CCNY: variants seen among roughly 807,000 people sequenced by gnomAD.
CCNY encodes the protein cyclin-Y.
CCNY carries 19 observed loss-of-function variants against 42.8 expected under a neutral mutation model. That is an observed-to-expected ratio of 0.44 (90% confidence interval 0.31 to 0.65). The LOEUF (loss-of-function observed/expected upper bound fraction) is 0.65. CCNY is among the 30% of genes least tolerant of loss of function. The probability of loss-of-function intolerance (pLI) is 0.07; values close to 1 mark genes in which losing one functional copy is unlikely to be tolerated. For missense variants in CCNY, 370 were observed against 437.3 expected (o/e 0.85, Z 1.37); for synonymous variants, 165 against 162.7 (o/e 1.01, Z -0.11).
chr10:35,530,834 G>A lies in CCNY; in HGVS notation c.579+591G>A, dbSNP rs1840749634. 6.6e-6 allele frequency among the ~76,000 whole-genome samples: 1 copy of A among 152,172 alleles called. No individual in the cohort carries two copies. Among genetic ancestry groups the A allele is most frequent in the Non-Finnish European group, 1.5e-5 (1 of 68,028 alleles). ...CGTCAGTAATTTCAGCACTTTGGGA[G>A]GTCAAGGTGGGAGGATCACTTGAGC... On this transcript the variant is annotated intron_variant, in intron 7 of 9. Coordinates refer to ENST00000374704, the MANE Select transcript of CCNY (RefSeq NM_145012.6). The surrounding 1 kb of genome is among the most constrained non-coding windows in gnomAD (Gnocchi z 4.3).
At chr10:35,557,929 C>T (rs972729115) in intron 8 of CCNY, among the ~76,000 whole-genome samples, 6 of 152,086 alleles carry the variant, frequency 3.9e-5, no homozygotes, top group South Asian at 2.1e-4. Flanking sequence ...TCTTCTTTTG[C>T]CTCTTTGGTG....
chr10:35,535,722 C>T (rs1221275468), intron 7 of CCNY, among the ~76,000 whole-genome samples: 1 of 152,064 alleles, frequency 6.6e-6, no homozygotes. Flanking sequence ...AACAGTATAA[C>T]CACAATTTAC....
intron 3 of CCNY, among the ~76,000 whole-genome samples, chr10:35,274,506 A>G (rs1003822529): frequency 3.3e-5 from 5 of 152,188 alleles, no homozygotes; most frequent in East Asian, 1.9e-4. Flanking sequence ...CTAAACCTGC[A>G]CAGAGCTCAC....
At chr10:35,373,912 C>T (rs1266519350) in intron 1 of CCNY, among the ~76,000 whole-genome samples, 1 of 150,362 alleles carries the variant, frequency 6.7e-6, no homozygotes, top group Non-Finnish European at 1.5e-5. Flanking sequence ...GTTCAAAGAT[C>T]AGCTGTATTA....
At chr10:35,256,419 A>T (rs2135026380) in intron 3 of CCNY, among the ~76,000 whole-genome samples, 1 of 152,244 alleles carries the variant, frequency 6.6e-6, no homozygotes, top group East Asian at 1.9e-4. Flanking sequence ...ATAAAATTCT[A>T]ATTTGGATTT....
intron 1 of CCNY, among the ~76,000 whole-genome samples, chr10:35,461,999 C>G (rs1004705939): frequency 6.6e-6 from 1 of 152,046 alleles, no homozygotes; most frequent in African/African-American, 2.4e-5. Context: ...CCAGGCTCCT[C>G]TAATCTCCAG....
chr10:35,306,938 G>C (rs1835613239), intron 3 of CCNY, among the ~76,000 whole-genome samples: 1 of 150,818 alleles, frequency 6.6e-6, no homozygotes, highest in Admixed American at 6.6e-5. Flanking sequence ...ACGTGTAGCT[G>C]CAAAGATAAG....
At chr10:35,342,380 T>A (rs1235160731) in intron 1 of CCNY, among the ~76,000 whole-genome samples, 1 of 152,196 alleles carries the variant, frequency 6.6e-6, no homozygotes, top group Non-Finnish European at 1.5e-5. Context: ...GTCTGCAAGG[T>A]ATGTGGAGAC....
intron 9 of CCNY, among the ~76,000 whole-genome samples, chr10:35,567,693 A>C (rs770713449): frequency 3.9e-5 from 6 of 152,248 alleles, no homozygotes; most frequent in Non-Finnish European, 7.3e-5. Context: ...TACACGCTTA[A>C]GAAAGAAAAA....
At chr10:35,348,757 G>A (rs1246767286) in intron 1 of CCNY, among the ~76,000 whole-genome samples, 3 of 152,206 alleles carry the variant, frequency 2.0e-5, no homozygotes, top group African/African-American at 7.2e-5. Context: ...CTGTGCCCTG[G>A]AGAATGGTTC....
intron 3 of CCNY, among the ~76,000 whole-genome samples, chr10:35,294,101 T>G (rs1835445253): frequency 6.6e-6 from 1 of 152,250 alleles, no homozygotes; most frequent in Non-Finnish European, 1.5e-5. Context: ...AATTGATATT[T>G]GTATGTTGAT....
intron 1 of CCNY, among the ~76,000 whole-genome samples, chr10:35,384,900 C>A (rs1254149097): frequency 6.6e-6 from 1 of 152,194 alleles, no homozygotes; most frequent in Non-Finnish European, 1.5e-5. Flanking sequence ...TAATTTCTGC[C>A]ATGGTCCATA....
At chr10:35,385,157 T>A (rs572699684) in intron 1 of CCNY, among the ~76,000 whole-genome samples, 1 of 152,222 alleles carries the variant, frequency 6.6e-6, no homozygotes, top group South Asian at 2.1e-4. Context: ...TAGTGGCTCA[T>A]AATCTGGTTA....
At chr10:35,367,858 C>T (rs1483815400) in intron 1 of CCNY, among the ~76,000 whole-genome samples, 2 of 152,194 alleles carry the variant, frequency 1.3e-5, no homozygotes, top group East Asian at 3.8e-4. Context: ...CTCATGGGAC[C>T]TCTAATTTTG....
At chr10:35,248,159 T>G (rs1430308410) in exon 2 of CCNY, 1 of 152,332 alleles carries the variant, frequency 6.6e-6, no homozygotes, top group East Asian at 1.9e-4. Context: ...GGTCACAACA[T>G]CAAGAGCTGA....
chr10:35,427,937 A>G (rs984204067), intron 1 of CCNY, among the ~76,000 whole-genome samples: 1 of 152,136 alleles, frequency 6.6e-6, no homozygotes, highest in Non-Finnish European at 1.5e-5. Context: ...CTTAGTCAGG[A>G]CATCCAACTC....
intron 4 of CCNY, among the ~76,000 whole-genome samples, chr10:35,525,313 A>G (rs373898824): frequency 5.3e-5 from 8 of 152,210 alleles, no homozygotes; most frequent in African/African-American, 2.4e-5. Context: ...ATGTTCTCCA[A>G]AATTTCTACA....
intron 1 of CCNY, among the ~76,000 whole-genome samples, chr10:35,387,485 G>A (rs1281550695): frequency 6.6e-6 from 1 of 152,190 alleles, no homozygotes; most frequent in Non-Finnish European, 1.5e-5. Flanking sequence ...GAGAAGGATG[G>A]TGGGAAGAAT....
chr10:35,535,357 A>G (rs1840863725), intron 7 of CCNY, among the ~76,000 whole-genome samples: 1 of 152,082 alleles, frequency 6.6e-6, no homozygotes, highest in Non-Finnish European at 1.5e-5. Flanking sequence ...ATTACACTCA[A>G]CAAACCTTCT....
Sources: gnomAD v4.1 joint callset for allele counts (sites outside exome capture counted in the v4.1 genomes callset) on GRCh38, gnomAD v4.1.1 for gene constraint, Gnocchi (gnomAD v3.1) non-coding constraint, MANE v1.5 for transcripts, NCBI Gene and HGNC (gene_info 2026-07-23, HGNC 2026-07-21) for gene names.